Variants in KDM8 observed in about 807,000 individuals in gnomAD.
The protein encoded by KDM8 is lysine demethylase 8.
Under a neutral mutation model 46.9 loss-of-function variants are expected in KDM8, and 35 were observed. The observed-to-expected ratio is 0.75, with a 90% CI of 0.57 to 0.99. The LOEUF (loss-of-function observed/expected upper bound fraction) is 0.99, where lower values mean the gene tolerates loss of function less well. Ranked by LOEUF, KDM8 falls within the 50% of genes least tolerant of loss-of-function variation. The pLI is 0.00. For missense variants in KDM8, 475 were observed against 537.0 expected, an observed-to-expected ratio of 0.88 and a Z score of 1.14; for synonymous variants, 232 against 227.7, an observed-to-expected ratio of 1.02 and a Z score of -0.17.
intron 3 of KDM8, 122 bp from the exon 4 acceptor site, chr16:27,214,754 A>G: frequency 9.3e-7 from 1 of 1,081,056 alleles, no homozygotes; most frequent in African/African-American, 1.5e-5. Context: ...GCTGGGGATG[A>G]CAGTCCTTGT....
At chr16:27,210,756 G>T in intron 2 of KDM8, 135 bp downstream of exon 2, 1 of 877,108 alleles carries the variant, frequency 1.1e-6, no homozygotes, top group South Asian at 2.6e-5. Flanking sequence ...CATTGCCATT[G>T]ATTTTGGATT....
chr16:27,219,212 C>T, intron 6 of KDM8, 102 bp downstream of exon 6: 6 of 1,274,890 alleles, frequency 4.7e-6, no homozygotes, highest in Non-Finnish European at 6.4e-6. Flanking sequence ...TAAAAAGAAA[C>T]AAGAAGCACT....
intron 5 of KDM8, 117 bp downstream of exon 5, chr16:27,216,106 G>GTGCTGC: frequency 8.8e-7 from 1 of 1,132,738 alleles, no homozygotes; most frequent in Non-Finnish European, 1.3e-6. Flanking sequence ...AGCAGGTGAG[G>GTGCTGC]CTAGGAAGGT....
chr16:27,214,795 G>C, intron 3 of KDM8, 81 bp from the exon 4 acceptor site: 1 of 1,515,114 alleles, frequency 6.6e-7, no homozygotes, highest in Non-Finnish European at 9.1e-7. Flanking sequence ...GAGGATGAAA[G>C]GGGACCACAT....
chr16:27,208,839 T>G (rs1365418342), intron 1 of KDM8, among the ~76,000 whole-genome samples: 2 of 152,142 alleles, frequency 1.3e-5, no homozygotes, highest in African/African-American at 4.8e-5. Flanking sequence ...AGGCTAGAGA[T>G]AGAACCCACC....
chr16:27,210,299 G>A lies in KDM8; in HGVS notation c.176G>A (p.Gly59Asp), dbSNP rs781402827. Residue 59 changes from glycine (G) to aspartate (D), a missense_variant, in exon 2 of 8, where the codon GGC becomes GAC. By Grantham distance (94) the Gly-to-Asp change is moderately conservative (BLOSUM62 -1). Transcript: ENST00000286096. ...LQRATELFYEGRRDECLQSSE... is the reference protein window; with the variant it reads ...LQRATELFYEDRRDECLQSSE... ...CGAGCCACTGAGCTCTTCTACGAGG[G>A]CAGGAGGGACGAGTGTCTGCAGAGC... is the stretch of plus-strand genomic sequence containing the variant. 3 of 1,613,302 alleles carry A rather than the reference G, an allele frequency of 1.9e-6. No individual in the cohort carries two copies. The highest frequency in any genetic ancestry group is 1.1e-5 in the South Asian group (1 of 91,092).
chr16:27,218,913 T>A (rs1326539075), intron 5 of KDM8, 48 bp from the exon 6 acceptor site: 1 of 1,609,900 alleles, frequency 6.2e-7, no homozygotes, highest in Admixed American at 1.7e-5. Context: ...CGGGCTGCGG[T>A]GTCCCCAGCC....
intron 5 of KDM8, 31 bp downstream of exon 5, chr16:27,216,020 C>A (rs753529322): frequency 6.2e-7 from 1 of 1,611,780 alleles, no homozygotes; most frequent in African/African-American, 1.3e-5. Context: ...CTCTGCCCCT[C>A]ACCGTCTCAC....
intron 4 of KDM8, among the ~76,000 whole-genome samples, chr16:27,215,493 A>G (rs1234442606): frequency 2.6e-5 from 4 of 152,098 alleles, no homozygotes. Flanking sequence ...GGTGGGGCAA[A>G]TTGCTTGAGC....
Position 27,220,589 on chromosome 16 carries a change from G to A in KDM8, c.1110G>A (p.Leu370=). 6.2e-7 allele frequency: 1 copy of A among 1,614,156 alleles called. No individual in the cohort carries two copies. Among genetic ancestry groups the A allele is most frequent in the Non-Finnish European group, 8.5e-7 (1 of 1,180,044 alleles). Residue 370 remains leucine (L), a synonymous_variant, in exon 8 of 8, where the codon CTG becomes CTA. Coordinates refer to ENST00000286096, the MANE Select transcript of KDM8 (RefSeq NM_024773.3). The part of the protein sequence containing the change: ...TSQVDVENPD[L]EKFPKFAKAP... ...AGGTTGACGTGGAGAATCCCGACCT[G>A]GAAAAGTTCCCCAAGTTTGCCAAGG...
At chr16:27,208,204 G>A (rs1027472448) in intron 1 of KDM8, among the ~76,000 whole-genome samples, 11 of 152,214 alleles carry the variant, frequency 7.2e-5, no homozygotes, top group East Asian at 1.9e-4. Context: ...CTCCAAGGCC[G>A]ATTTGCAAAG....
At chr16:27,206,445 T>G (rs1425636185) in intron 1 of KDM8, among the ~76,000 whole-genome samples, 1 of 152,190 alleles carries the variant, frequency 6.6e-6, no homozygotes, top group African/African-American at 2.4e-5. Context: ...CTAATTTTTG[T>G]ATTTTTATTA....
intron 2 of KDM8, chr16:27,211,422 C>G (rs1305108859): frequency 3.1e-6 from 1 of 323,216 alleles, no homozygotes; most frequent in Admixed American, 4.1e-5. Context: ...CAAAGAGCAC[C>G]CCCAGGAACA....
chr16:27,221,024 A>T lies in KDM8; in HGVS notation c.*294A>T. On this transcript the variant is annotated 3_prime_UTR_variant, in exon 8 of 8. Transcript: ENST00000286096. The stretch of plus-strand genomic sequence containing the variant: ...TGGGGACTCTGGCATCAGAAAGCCG[A>T]ATGTTTTTGGGAAACGGGTGGGTCA... 4.4e-6 allele frequency: 2 copies of T among 456,302 alleles called. No homozygotes were observed. The highest frequency in any genetic ancestry group is 8.1e-6 in the Non-Finnish European group (2 of 245,606). 28.3% of individuals were successfully genotyped at this position (456,302 alleles called of 1,614,324 possible).
intron 1 of KDM8, among the ~76,000 whole-genome samples, chr16:27,205,389 G>T (rs1470239178): frequency 6.6e-6 from 1 of 152,148 alleles, no homozygotes; most frequent in Admixed American, 6.5e-5. Flanking sequence ...GAGCATTTAG[G>T]GGCTGAATCA....
chr16:27,215,856 TG>T, intron 4 of KDM8, 88 bp from the exon 5 acceptor site: 3 of 1,371,128 alleles, frequency 2.2e-6, no homozygotes, highest in Non-Finnish European at 3.1e-6. Context: ...GTGCTGCAGC[TG>T]GGGCCAGCTG....
At chr16:27,205,376 A>G (rs2083418144) in intron 1 of KDM8, among the ~76,000 whole-genome samples, 1 of 152,210 alleles carries the variant, frequency 6.6e-6, no homozygotes, top group African/African-American at 2.4e-5. Flanking sequence ...GACTTTATGT[A>G]AGGAGCATTT....
At chr16:27,213,345 G>A in intron 2 of KDM8, 1 of 442,796 alleles carries the variant, frequency 2.3e-6, no homozygotes, top group South Asian at 3.2e-5. Context: ...CAGAATGTCT[G>A]TGAAAGCAGT....
At chr16:27,218,569 C>T (rs549010165) in intron 5 of KDM8, among the ~76,000 whole-genome samples, 66 of 152,190 alleles carry the variant, frequency 4.3e-4, no homozygotes, top group African/African-American at 6.0e-4. Flanking sequence ...GGGCCGGGTG[C>T]GGTGGCTCAC....
Sources: gnomAD v4.1 joint callset for allele counts (sites outside exome capture counted in the v4.1 genomes callset) on GRCh38, gnomAD v4.1.1 for gene constraint, MANE v1.5 for transcripts, NCBI Gene and HGNC (gene_info 2026-07-23, HGNC 2026-07-21) for gene names.